SPAG5: variants seen among roughly 807,000 people sequenced by gnomAD.
SPAG5 encodes the protein sperm-associated antigen 5.
SPAG5 carries 99 observed loss-of-function variants against 145.4 expected under a neutral mutation model. The observed-to-expected ratio is 0.68, with a 90% CI of 0.58 to 0.80. The LOEUF (loss-of-function observed/expected upper bound fraction) is 0.80, where lower values mean the gene tolerates loss of function less well. Ranked by LOEUF, SPAG5 falls within the 30% of genes least tolerant of loss-of-function variation. The pLI is 0.00. For synonymous variants in SPAG5, 477 were observed against 525.4 expected (o/e 0.91, Z 1.26); for missense variants, 1,192 against 1,416.0 (o/e 0.84, Z 2.54).
chr17:28,577,857 G>C lies in SPAG5; in HGVS notation c.3511-87C>G. ...CCCAGGAGGCAGCCGCTGAATTAGAGGGGAGAAAACAGACACCACAGAGAA... is the reference window on the plus strand; with the variant it reads ...CCCAGGAGGCAGCCGCTGAATTAGACGGGAGAAAACAGACACCACAGAGAA... On this transcript the variant is annotated intron_variant, in intron 23 of 23. Transcript: ENST00000321765. The C allele has an allele frequency of 3.1e-6, 4 of 1,290,776 alleles. No homozygotes were observed. The South Asian group carries it at 3.6e-5, about 12-fold the overall frequency. The allele number at this position is 1,290,776 out of a possible 1,614,324, so 80.0% of individuals were successfully genotyped here.
At chr17:28,593,418 G>A (rs777918378) in intron 2 of SPAG5, among the ~76,000 whole-genome samples, 2 of 152,162 alleles carry the variant, frequency 1.3e-5, no homozygotes, top group Non-Finnish European at 2.9e-5. Flanking sequence ...TGTGAGTGAA[G>A]GCTTAAGCTC....
At chr17:28,597,498 C>A (rs922877247) in intron 2 of SPAG5, among the ~76,000 whole-genome samples, 5 of 152,226 alleles carry the variant, frequency 3.3e-5, no homozygotes, top group Admixed American at 6.5e-5. Context: ...AGTTACCATG[C>A]TGGACAGCAC....
At position 28,579,270 on chromosome 17, in the gene SPAG5, T is replaced by G. The variant is rs2070532513; in HGVS notation, c.3006-18A>C. 1.2e-6 allele frequency: 2 copies of G among 1,613,900 alleles called. No homozygotes were observed. The highest frequency in any genetic ancestry group is 1.3e-5 in the African/African-American group (1 of 74,930). ...GCTCACAACTGAAGGAAGGAAGAATTTAGCAACATTCCTGTCCTCTCAGGG... is the reference window on the plus strand; with the variant it reads ...GCTCACAACTGAAGGAAGGAAGAATGTAGCAACATTCCTGTCCTCTCAGGG... On this transcript the variant is annotated intron_variant, in intron 18 of 23. Transcript: ENST00000321765.
Position 28,584,662 on chromosome 17 carries a change from A to G in SPAG5, c.2151T>C (p.Arg717=), listed in dbSNP as rs2070571919. The change falls in exon 11 of 24, where the codon CGT becomes CGC. Residue 717 remains arginine, a synonymous_variant. Coordinates refer to ENST00000321765, the MANE Select transcript of SPAG5 (RefSeq NM_006461.4). ...CACACACACAAACACCTGTTGCTAG[A>G]CGACTGTTTTCCAACTCCAGTTGTT... The part of the protein sequence containing the change: ...QTEQLELENS[R]LATDLRAQLQ... 6.2e-7 allele frequency: 1 copy of G among 1,613,938 alleles called. No individual in the cohort carries two copies. Among genetic ancestry groups the G allele is most frequent in the South Asian group, 1.1e-5 (1 of 91,086 alleles).
chr17:28,589,811 C>T (rs1322665429), intron 4 of SPAG5, among the ~76,000 whole-genome samples: 2 of 152,116 alleles, frequency 1.3e-5, no homozygotes, highest in Admixed American at 6.5e-5. Flanking sequence ...ACCCAGGAGG[C>T]TGAGGTGGGA....
chr17:28,583,048 G>A (rs2070558723), intron 15 of SPAG5, among the ~76,000 whole-genome samples: 1 of 152,140 alleles, frequency 6.6e-6, no homozygotes, highest in Non-Finnish European at 1.5e-5. Context: ...TATGATCATG[G>A]CTCACTGCAG....
chr17:28,586,205 G>T, intron 5 of SPAG5, 23 bp from the exon 6 acceptor site: 1 of 1,589,806 alleles, frequency 6.3e-7, no homozygotes, highest in Non-Finnish European at 8.6e-7. Context: ...AAATGGGTAG[G>T]TGAGATCAAA....
chr17:28,598,518 C>T lies in SPAG5; in HGVS notation c.169G>A (p.Gly57Arg), dbSNP rs935652722. The change falls in exon 2 of 24, where the codon GGG becomes AGG. Residue 57 changes from glycine (G) to arginine (R), a missense_variant. By Grantham distance (125) the Gly-to-Arg change is moderately radical. Transcript: ENST00000321765. ...GTCCAGGCGAATCTCACCTGCAGCC[C>T]CAGCTTGCACAGTGATGGGGTCAGC... Reference protein sequence around the residue: ...SSLTPSLCKLGLQEGSNNSSP... With the variant: ...SSLTPSLCKLRLQEGSNNSSP... The T allele has an allele frequency of 3.7e-6, 6 of 1,613,434 alleles. No homozygotes were observed. The African/African-American group carries it at 4.0e-5, about 11-fold the overall frequency.
At position 28,579,909 on chromosome 17, in the gene SPAG5, A is replaced by G; in HGVS notation, c.2798-72T>C. 1.9e-6 allele frequency: 3 copies of G among 1,545,148 alleles called. No individual in the cohort carries two copies. In the East Asian group the frequency reaches 6.7e-5, roughly 35 times the overall value. The stretch of plus-strand genomic sequence containing the variant: ...GCAGGGGTCTACCATAATGGAAGCC[A>G]GGGTAAGATAGACAAGCCCGCTGGT... On this transcript the variant is annotated intron_variant, in intron 16 of 23. Transcript: ENST00000321765.
chr17:28,583,405 T>C, intron 15 of SPAG5, 106 bp downstream of exon 15: 2 of 1,302,162 alleles, frequency 1.5e-6, no homozygotes, highest in South Asian at 1.6e-5. Context: ...TGTAGGTAAC[T>C]GAAATCATAA....
chr17:28,585,574 C>T lies in SPAG5; in HGVS notation c.1820G>A (p.Arg607Gln), dbSNP rs938603903. 23 of 1,613,944 alleles carry T rather than the reference C, an allele frequency of 1.4e-5. No homozygotes were observed. In the Admixed American group the frequency reaches 1.5e-4, roughly 11 times the overall value. Residue 607 changes from arginine to glutamine, a missense_variant, in exon 8 of 24, where the codon CGG becomes CAG. This residue lies in a region of SPAG5 where 709 missense variants were observed against 840.7 expected (regional missense o/e 0.84). Transcript: ENST00000321765. ...ATCCTTCAGAAGGCCTCTGAATTCC[C>T]GCATGGATGCTAGGTCCTGTTCCAG... ...SQLEQDLASM[R>Q]EFRGLLKDAQ...
chr17:28,592,392 T>C lies in SPAG5; in HGVS notation c.852A>G (p.Thr284=). ...AMEEREMRFP[T]HPKESETEDQ... ...CTTCTGTTTCAGACTCCTTAGGATGTGTGGGAAACCTCATTTCTCTTTCCT... is the reference window on the plus strand; with the variant it reads ...CTTCTGTTTCAGACTCCTTAGGATGCGTGGGAAACCTCATTTCTCTTTCCT... Residue 284 remains threonine (T), a synonymous_variant, in exon 3 of 24, where the codon ACA becomes ACG. Coordinates refer to ENST00000321765, the MANE Select transcript of SPAG5 (RefSeq NM_006461.4). 1 of 1,614,154 alleles carries C rather than the reference T, an allele frequency of 6.2e-7. No individual in the cohort carries two copies. Among genetic ancestry groups the C allele is most frequent in the Non-Finnish European group, 8.5e-7 (1 of 1,180,036 alleles).
Position 28,585,959 on chromosome 17 carries a change from A to G in SPAG5, c.1645T>C (p.Leu549=). 6.2e-7 allele frequency: 1 copy of G among 1,614,214 alleles called. No individual in the cohort carries two copies. Among genetic ancestry groups the G allele is most frequent in the South Asian group, 1.1e-5 (1 of 91,084 alleles). ...AGCTTTGCCCTCAATTTCTTCAGCA[A>G]ATCAAAACAGCAACAGACCAATGTT... ...AETLVCCCFD[L]LKKLRAKLQS... is the part of the protein sequence containing the mutation. Residue 549 remains leucine (L), a synonymous_variant, in exon 7 of 24, where the codon TTG becomes CTG. Transcript: ENST00000321765.
At chr17:28,579,598 G>A (rs1264975192) in intron 17 of SPAG5, 113 bp from the exon 18 acceptor site, 2 of 1,420,606 alleles carry the variant, frequency 1.4e-6, no homozygotes, top group Non-Finnish European at 2.0e-6. Flanking sequence ...GGATTTGAAT[G>A]TCTGGAACAT....
At chr17:28,580,977 T>A (rs998832877) in intron 15 of SPAG5, among the ~76,000 whole-genome samples, 1 of 152,192 alleles carries the variant, frequency 6.6e-6, no homozygotes, top group African/African-American at 2.4e-5. Context: ...TGAAGCTGAG[T>A]TCACCATTTT....
chr17:28,578,774 G>A (rs1233092056), intron 19 of SPAG5, 22 bp from the exon 20 acceptor site: 8 of 1,581,218 alleles, frequency 5.1e-6, no homozygotes. Context: ...AGGGAGGTGA[G>A]AAGACACATG....
intron 2 of SPAG5, among the ~76,000 whole-genome samples, chr17:28,594,464 G>A (rs540375264): frequency 2.0e-4 from 31 of 152,168 alleles, no homozygotes; most frequent in South Asian, 2.1e-4. Context: ...CTGTGGTGGC[G>A]GGCACCTGTA....
At position 28,584,637 on chromosome 17, in the gene SPAG5, C is replaced by G. The variant is rs74483902; in HGVS notation, c.2161+15G>C. 20 of 1,611,094 alleles carry G rather than the reference C, an allele frequency of 1.2e-5. No homozygotes were observed. In the South Asian group the frequency reaches 1.6e-4, roughly 13 times the overall value. The stretch of plus-strand genomic sequence containing the variant: ...ATGCTTACATGCATGCATACACACA[C>G]ACACACACAAACACCTGTTGCTAGA... On this transcript the variant is annotated intron_variant, in intron 11 of 23. Coordinates refer to ENST00000321765, the MANE Select transcript of SPAG5 (RefSeq NM_006461.4).
chr17:28,588,189 T>C (rs1231432209), intron 4 of SPAG5, among the ~76,000 whole-genome samples: 2 of 152,210 alleles, frequency 1.3e-5, no homozygotes, highest in African/African-American at 2.4e-5. Context: ...TGAGCTTGGA[T>C]AGGGCTCACA....
Sources: allele counts gnomAD v4.1 joint callset (sites outside exome capture counted in the v4.1 genomes callset), GRCh38; gene constraint gnomAD v4.1.1; regional missense constraint gnomAD v4.1.1; transcripts MANE v1.5; gene names NCBI Gene and HGNC (gene_info 2026-07-23, HGNC 2026-07-21).